METTL6: variants seen among roughly 807,000 people sequenced by gnomAD.
METTL6 encodes the protein tRNA N(3)-cytidine methyltransferase METTL6.
A neutral mutation model predicts 26.4 loss-of-function variants in METTL6; 22 were observed. The observed-to-expected ratio is 0.83, with a 90% CI of 0.59 to 1.19. The LOEUF (loss-of-function observed/expected upper bound fraction) is 1.19, where lower values mean the gene tolerates loss of function less well. Ranked by LOEUF, METTL6 falls within the 50% of genes most tolerant of loss-of-function variation. The pLI is 0.00. For synonymous variants in METTL6, 109 were observed against 116.2 expected, an observed-to-expected ratio of 0.94 and a Z score of 0.40; for missense variants, 304 against 324.8, an observed-to-expected ratio of 0.94 and a Z score of 0.49.
At chr3:15,383,835 TC>T (rs1699126918) in exon 7 of METTL6, 2 of 152,756 alleles carry the variant, frequency 1.3e-5, no homozygotes, top group African/African-American at 4.8e-5. Flanking sequence ...GCATTGAGAC[TC>T]CCATAGAGTT....
chr3:15,393,279 A>G (rs1231270972), intron 6 of METTL6, among the ~76,000 whole-genome samples: 2 of 152,170 alleles, frequency 1.3e-5, no homozygotes, highest in Admixed American at 1.3e-4. Flanking sequence ...GAGTTCACTC[A>G]TGATTTGGCT....
intron 3 of METTL6, among the ~76,000 whole-genome samples, chr3:15,417,090 T>C (rs1159652980): frequency 6.6e-6 from 1 of 152,174 alleles, no homozygotes; most frequent in Non-Finnish European, 1.5e-5. Context: ...AAGGATCGCT[T>C]GAGTTCAAAG....
chr3:15,427,639 C>A (rs2061759635), upstream of METTL6: 1 of 823,210 alleles, frequency 1.2e-6, no homozygotes, highest in Non-Finnish European at 2.0e-6. Context: ...GCTTCTGGAC[C>A]CGGGTGGGTG....
intron 3 of METTL6, 42 bp from the exon 4 acceptor site, chr3:15,415,984 T>G: frequency 6.4e-7 from 1 of 1,550,596 alleles, no homozygotes; most frequent in Non-Finnish European, 8.8e-7. Context: ...ATGCAACCAC[T>G]AGGCTGATAC....
intron 6 of METTL6, among the ~76,000 whole-genome samples, chr3:15,390,027 A>G (rs993318044): frequency 6.6e-6 from 1 of 152,056 alleles, no homozygotes; most frequent in Non-Finnish European, 1.5e-5. Flanking sequence ...GGGAAAAAAA[A>G]AAGATTGTAA....
At chr3:15,424,821 CA>C in intron 3 of METTL6, 133 bp downstream of exon 3, 2 of 1,135,772 alleles carry the variant, frequency 1.8e-6, no homozygotes, top group Non-Finnish European at 2.6e-6. Context: ...GTAAGCAGGA[CA>C]ACTACATGTA....
At position 15,426,333 on chromosome 3, in the gene METTL6, C is replaced by T. The variant is rs2061722954; in HGVS notation, c.179G>A (p.Arg60Lys). The T allele has an allele frequency of 1.9e-6, 3 of 1,614,244 alleles. No individual in the cohort carries two copies. Among genetic ancestry groups the T allele is most frequent in the Non-Finnish European group, 2.5e-6 (3 of 1,180,044 alleles). Residue 60 changes from arginine to lysine, a missense_variant, in exon 2 of 6, where the codon AGA (arginine) becomes AAA (lysine). By Grantham distance (26) the Arg-to-Lys change is conservative. Coordinates refer to ENST00000383790, the MANE Select transcript of METTL6 (RefSeq NM_152396.4). ...CTCAAACTCTCTGGTGGTCCAGTGT[C>T]TGTCTTTGAAGAAATTAGTGCTATT... ...KRNSTNFFKD[R>K]HWTTREFEEL... is the part of the protein sequence containing the mutation.
intron 4 of METTL6, chr3:15,414,860 T>TGCAG (rs1700125855): frequency 1.5e-6 from 1 of 656,040 alleles, no homozygotes; most frequent in African/African-American, 1.9e-5. Context: ...AAGTTGAGGC[T>TGCAG]GCAGTGAGCC....
chr3:15,386,490 G>T (rs1461276885), intron 6 of METTL6, among the ~76,000 whole-genome samples: 1 of 152,234 alleles, frequency 6.6e-6, no homozygotes, highest in Non-Finnish European at 1.5e-5. Flanking sequence ...GGTGACTTGA[G>T]AGATCCAAGT....
chr3:15,417,170 A>G (rs1700242282), intron 3 of METTL6, among the ~76,000 whole-genome samples: 2 of 152,096 alleles, frequency 1.3e-5, no homozygotes, highest in African/African-American at 4.8e-5. Context: ...ATCTTTAAAA[A>G]AATAGGCCAG....
At chr3:15,393,322 C>T (rs1173932685) in intron 6 of METTL6, among the ~76,000 whole-genome samples, 4 of 152,156 alleles carry the variant, frequency 2.6e-5, no homozygotes, top group African/African-American at 9.7e-5. Context: ...TATAAGAATG[C>T]TTGTGATTTT....
At chr3:15,424,837 G>A in intron 3 of METTL6, 118 bp downstream of exon 3, 2 of 1,311,656 alleles carry the variant, frequency 1.5e-6, no homozygotes, top group Non-Finnish European at 2.2e-6. Flanking sequence ...CATGTATGGT[G>A]ACTATAGCTG....
rs1460353699 is a variant in METTL6, at chr3:15,411,322, C to G, written c.789G>C (p.Gln263His). 3 of 1,614,118 alleles carry G rather than the reference C, an allele frequency of 1.9e-6. No homozygotes were observed. In the African/African-American group the frequency reaches 4.0e-5, roughly 22 times the overall value. ...TCTTAGGAGGCTTTAGAAATTTGCT[C>G]TGAAGGAAAACTCTTGGCACACACA... is the stretch of plus-strand genomic sequence containing the variant. Reference protein sequence around the residue: ...EGLCVPRVFLQSKFLKPPKNP... With the variant: ...EGLCVPRVFLHSKFLKPPKNP... Residue 263 changes from glutamine (Q) to histidine (H), a missense_variant, in exon 6 of 6, where the codon CAG becomes CAC. Physicochemically the swap from Gln to His is conservative, Grantham distance 24. Coordinates refer to ENST00000383790, the MANE Select transcript of METTL6 (RefSeq NM_152396.4).
intron 4 of METTL6, chr3:15,414,786 G>A (rs562225686): frequency 2.2e-6 from 1 of 451,052 alleles, no homozygotes; most frequent in South Asian, 1.6e-5. Flanking sequence ...AGCTGGATCT[G>A]GTAGTGCGTC....
At chr3:15,384,339 C>T in intron 6 of METTL6, 1 of 225,268 alleles carries the variant, frequency 4.4e-6, no homozygotes, top group South Asian at 4.5e-5. Context: ...AATGGAAAAC[C>T]AAGGGTCACC....
At chr3:15,402,142 T>C (rs1208809059) in intron 6 of METTL6, among the ~76,000 whole-genome samples, 1 of 152,204 alleles carries the variant, frequency 6.6e-6, no homozygotes, top group Non-Finnish European at 1.5e-5. Context: ...TGGTTCATTT[T>C]GCTTGCTGCC....
intron 6 of METTL6, among the ~76,000 whole-genome samples, chr3:15,400,690 G>A (rs1699615934): frequency 1.3e-5 from 2 of 152,072 alleles, no homozygotes. Context: ...TAATGTAAAA[G>A]TAATAAAGGG....
downstream of METTL6, among the ~76,000 whole-genome samples, chr3:15,408,976 A>G (rs749438403): frequency 2.6e-5 from 4 of 152,084 alleles, no homozygotes; most frequent in Admixed American, 6.6e-5. Flanking sequence ...ACAGCACTGG[A>G]CTGAAAGTGC....
At chr3:15,382,133 C>G (rs1283457682) in exon 7 of METTL6, 1 of 151,598 alleles carries the variant, frequency 6.6e-6, no homozygotes, top group African/African-American at 2.4e-5. Flanking sequence ...TCACTGCAAC[C>G]TTGAATTCCT....
Sources: gnomAD v4.1 joint callset for allele counts (sites outside exome capture counted in the v4.1 genomes callset) on GRCh38, gnomAD v4.1.1 for gene constraint, MANE v1.5 for transcripts, NCBI Gene and HGNC (gene_info 2026-07-23, HGNC 2026-07-21) for gene names.